RRN3: variants seen among roughly 807,000 people sequenced by gnomAD.
The protein encoded by RRN3 is RNA polymerase I-specific transcription initiation factor RRN3.
In RRN3, 38 loss-of-function variants were observed where a neutral mutation model predicts 82.3. That is an observed-to-expected ratio of 0.46 (90% CI 0.36 to 0.61). The LOEUF is 0.61. Ranked by LOEUF, RRN3 falls within the 20% of genes least tolerant of loss-of-function variation. The pLI is 0.00. For missense variants in RRN3, 726 were observed against 793.1 expected (o/e 0.92, Z 1.02); for synonymous variants, 284 against 284.3 (o/e 1.00, Z 0.01).
At chr16:15,089,786 C>CAA (rs142235345) in intron 3 of RRN3, among the ~76,000 whole-genome samples, 915 of 66,528 alleles carry the variant, frequency 0.014, 76 homozygotes, top group African/African-American at 0.022. Flanking sequence ...GGCGACAGAG[C>CAA]AAAAAAAAAA....
rs1436277790 is a variant in RRN3 at position 15,060,134 on chromosome 16, A to G, written c.*1610T>C. The stretch of plus-strand genomic sequence containing the variant: ...ATTTTTTTTCACAAACTCCTTTGAA[A>G]TTAAACAGACTTATATGTAAATGTC... On this transcript the variant is annotated 3_prime_UTR_variant, in exon 18 of 18. Transcript: ENST00000198767. 1 of 361,898 alleles carries G rather than the reference A, an allele frequency of 2.8e-6. No individual in the cohort carries two copies. The highest frequency in any genetic ancestry group is 5.5e-6 in the Non-Finnish European group (1 of 183,116). The allele number at this position is 361,898 out of a possible 1,614,324, so 22.4% of individuals were successfully genotyped here.
At chr16:15,069,133 T>C (rs1419910354) in intron 14 of RRN3, among the ~76,000 whole-genome samples, 2 of 152,110 alleles carry the variant, frequency 1.3e-5, no homozygotes, top group African/African-American at 4.8e-5. Flanking sequence ...CAACTTTCAG[T>C]TTAGAGCTGT....
chr16:15,090,873 G>GTTTTTTTTTTTTT (rs4012873), intron 3 of RRN3, among the ~76,000 whole-genome samples: 1 of 128,194 alleles, frequency 7.8e-6, no homozygotes. Context: ...TCAGTGGTTT[G>GTTTTTTTTTTTTT]TTTTTTTTTT....
Position 15,074,646 on chromosome 16 carries a change from G to T in RRN3, c.997+77C>A. On this transcript the variant is annotated intron_variant, in intron 11 of 17. Coordinates refer to ENST00000198767, the MANE Select transcript of RRN3 (RefSeq NM_018427.5). ...TTACAGGATTTTTAGTATTACTAGA[G>T]ATAATGGATGGAAAATGCCCAGCAC... is the stretch of plus-strand genomic sequence containing the variant. The T allele has an allele frequency of 5.6e-6, 6 of 1,072,138 alleles. No homozygotes were observed. The South Asian group carries it at 8.4e-5, about 15-fold the overall frequency. 66.4% of individuals were successfully genotyped at this position (1,072,138 alleles called of 1,614,324 possible).
intron 3 of RRN3, 73 bp downstream of exon 3, chr16:15,091,242 G>A: frequency 6.3e-7 from 1 of 1,576,152 alleles, no homozygotes; most frequent in Non-Finnish European, 8.7e-7. Context: ...GGACAGAATG[G>A]GACCCAAAGA....
chr16:15,078,459 C>T (rs1030141040), intron 9 of RRN3, among the ~76,000 whole-genome samples: 2 of 152,020 alleles, frequency 1.3e-5, no homozygotes, highest in African/African-American at 4.8e-5. Context: ...GCAGTTTCTG[C>T]GTCTTCACTG....
chr16:15,089,579 T>A (rs553004194), intron 3 of RRN3, among the ~76,000 whole-genome samples: 40 of 151,686 alleles, frequency 2.6e-4, no homozygotes, highest in Non-Finnish European at 4.6e-4. Flanking sequence ...GGCGGGCGGA[T>A]CACGAGGTCA....
intron 8 of RRN3, among the ~76,000 whole-genome samples, chr16:15,081,656 G>A (rs1018281538): frequency 1.3e-5 from 2 of 152,124 alleles, no homozygotes; most frequent in African/African-American, 4.8e-5. Flanking sequence ...GATGTCCTAT[G>A]AAGCATAACA....
intron 14 of RRN3, among the ~76,000 whole-genome samples, chr16:15,069,128 T>G (rs1045266314): frequency 2.0e-5 from 3 of 152,136 alleles, no homozygotes; most frequent in East Asian, 1.9e-4. Context: ...ACATACAACT[T>G]TCAGTTTAGA....
chr16:15,073,812 T>A (rs1414281311), intron 11 of RRN3, among the ~76,000 whole-genome samples: 1 of 152,030 alleles, frequency 6.6e-6, no homozygotes, highest in Non-Finnish European at 1.5e-5. Flanking sequence ...AGAGATGGGG[T>A]CTTGTTATGT....
At chr16:15,069,914 C>T (rs2045149097) in intron 14 of RRN3, among the ~76,000 whole-genome samples, 156 bp downstream of exon 14, 1 of 152,108 alleles carries the variant, frequency 6.6e-6, no homozygotes, top group South Asian at 2.1e-4. Flanking sequence ...TTTGTAGGGG[C>T]CTATGAGCTG....
At position 15,091,258 on chromosome 16, in the gene RRN3, C is replaced by A; in HGVS notation, c.252+57G>T. On this transcript the variant is annotated intron_variant, in intron 3 of 17. Coordinates refer to ENST00000198767, the MANE Select transcript of RRN3 (RefSeq NM_018427.5). ...GACAGAATGGGACCCAAAGAGCAAA[C>A]TATGTCTGTATACAGTGGCAATAAT... The A allele has an allele frequency of 2.5e-6, 4 of 1,599,538 alleles. No homozygotes were observed. In the South Asian group the frequency reaches 4.5e-5, roughly 18 times the overall value.
intron 17 of RRN3, 103 bp downstream of exon 17, chr16:15,063,093 G>T: frequency 1.1e-6 from 1 of 870,806 alleles, no homozygotes; most frequent in Non-Finnish European, 2.0e-6. Flanking sequence ...ACCCCCTAAA[G>T]TGCGGGGATT....
At chr16:15,081,688 T>C (rs553652250) in intron 8 of RRN3, among the ~76,000 whole-genome samples, 140 of 152,342 alleles carry the variant, frequency 9.2e-4, no homozygotes, top group African/African-American at 3.2e-3. Context: ...TGAAGTACAA[T>C]TGATGCATTT....
chr16:15,084,923 A>G (rs944900885), intron 6 of RRN3, among the ~76,000 whole-genome samples: 11 of 152,044 alleles, frequency 7.2e-5, no homozygotes, highest in African/African-American at 2.4e-4. Flanking sequence ...AAAATTAGCC[A>G]GGCATGGTGG....
At chr16:15,089,401 TGAG>T (rs1236146969) in intron 3 of RRN3, among the ~76,000 whole-genome samples, 5 of 151,808 alleles carry the variant, frequency 3.3e-5, no homozygotes, top group African/African-American at 1.2e-4. Flanking sequence ...TGAAGGGAGA[TGAG>T]GAGATCACAC....
At chr16:15,090,833 T>A (rs901991284) in intron 3 of RRN3, among the ~76,000 whole-genome samples, 3 of 151,468 alleles carry the variant, frequency 2.0e-5, no homozygotes, top group Non-Finnish European at 4.4e-5. Context: ...TACTACATGA[T>A]AGGTGTATCT....
intron 9 of RRN3, among the ~76,000 whole-genome samples, chr16:15,077,606 C>T (rs975933034): frequency 2.6e-5 from 4 of 152,152 alleles, no homozygotes; most frequent in African/African-American, 9.7e-5. Flanking sequence ...CTTTGGGAGG[C>T]CGAGGTGGAC....
At chr16:15,087,279 C>A (rs918773178) in intron 3 of RRN3, among the ~76,000 whole-genome samples, 31 of 152,138 alleles carry the variant, frequency 2.0e-4, no homozygotes, top group African/African-American at 7.5e-4. Context: ...AGGCATGGTG[C>A]CTGACACTCC....
Sources: gnomAD v4.1 joint callset for allele counts (sites outside exome capture counted in the v4.1 genomes callset) on GRCh38, gnomAD v4.1.1 for gene constraint, MANE v1.5 for transcripts, NCBI Gene and HGNC (gene_info 2026-07-23, HGNC 2026-07-21) for gene names.